Variants in PCTP observed in about 807,000 individuals in gnomAD.
The protein encoded by PCTP is START domain-containing protein 2.
Under a neutral mutation model 31.0 loss-of-function variants are expected in PCTP, and 27 were observed. The ratio of observed to expected loss-of-function variants is 0.87; its 90% confidence interval spans 0.64 to 1.20. The LOEUF (loss-of-function observed/expected upper bound fraction) is 1.20. PCTP is among the 50% of genes most tolerant of loss of function. PCTP has a pLI of 0.00. For synonymous variants in PCTP, 108 were observed against 101.2 expected, an observed-to-expected ratio of 1.07 and a Z score of -0.40; for missense variants, 287 against 268.2, an observed-to-expected ratio of 1.07 and a Z score of -0.49.
intron 3 of PCTP, among the ~76,000 whole-genome samples, chr17:55,798,487 A>G (rs926369548): frequency 3.3e-5 from 5 of 151,994 alleles, no homozygotes; most frequent in Non-Finnish European, 5.9e-5. Context: ...CAACCAAAGG[A>G]AAAAAAGATA....
intron 1 of PCTP, 33 bp downstream of exon 1, chr17:55,751,277 C>G: frequency 6.6e-7 from 1 of 1,525,376 alleles, no homozygotes; most frequent in Non-Finnish European, 8.8e-7. Flanking sequence ...ACCGCGGGGC[C>G]TAGAATGCGC....
At chr17:55,806,513 TC>T in intron 3 of PCTP, among the ~76,000 whole-genome samples, 1 of 152,068 alleles carries the variant, frequency 6.6e-6, no homozygotes, top group Non-Finnish European at 1.5e-5. Context: ...GAATTTACCC[TC>T]TGAAAATACC....
chr17:55,776,154 C>T lies in PCTP; in HGVS notation c.*54C>T. ...GGGTTGATGTCTCTGGAAGTGCAAC[C>T]ACCCAATGTCTCTGGAAGTGCCACC... On this transcript the variant is annotated 3_prime_UTR_variant, in exon 6 of 6. Coordinates refer to ENST00000268896, the MANE Select transcript of PCTP (RefSeq NM_021213.4). The T allele has an allele frequency of 3.1e-6, 5 of 1,604,076 alleles. No homozygotes were observed. Among genetic ancestry groups the T allele is most frequent in the Non-Finnish European group, 4.3e-6 (5 of 1,175,284 alleles).
At chr17:55,835,860 T>C (rs981578490) in intron 5 of PCTP, among the ~76,000 whole-genome samples, 5 of 152,170 alleles carry the variant, frequency 3.3e-5, no homozygotes, top group Non-Finnish European at 7.3e-5. Flanking sequence ...TTACCAGTAA[T>C]GAAAACTGAG....
chr17:55,801,414 C>G (rs888511216), intron 3 of PCTP, among the ~76,000 whole-genome samples: 2 of 152,118 alleles, frequency 1.3e-5, no homozygotes, highest in Non-Finnish European at 2.9e-5. Context: ...AATATACATT[C>G]TTCTCAGCAC....
chr17:55,787,604 C>T (rs1911793164), exon 3 of PCTP: 2 of 152,164 alleles, frequency 1.3e-5, no homozygotes, highest in South Asian at 2.1e-4. Context: ...ATCCACTGGC[C>T]TCGGCCTCTC....
chr17:55,789,878 G>C (rs1290350257), intron 3 of PCTP, among the ~76,000 whole-genome samples: 1 of 152,142 alleles, frequency 6.6e-6, no homozygotes, highest in African/African-American at 2.4e-5. Flanking sequence ...CAATATCCTT[G>C]ATGAACATTG....
intron 3 of PCTP, among the ~76,000 whole-genome samples, chr17:55,809,467 A>G (rs1217626814): frequency 2.0e-5 from 3 of 151,866 alleles, no homozygotes; most frequent in African/African-American, 4.8e-5. Flanking sequence ...TGGAACCTAC[A>G]GCTTCTGACT....
intron 3 of PCTP, among the ~76,000 whole-genome samples, chr17:55,810,995 G>A (rs1912733556): frequency 6.6e-6 from 1 of 152,174 alleles, no homozygotes; most frequent in African/African-American, 2.4e-5. Context: ...GACATCAGGG[G>A]AGGCCGGATA....
downstream of PCTP, among the ~76,000 whole-genome samples, chr17:55,846,836 A>G (rs1292967798): frequency 6.6e-6 from 1 of 152,206 alleles, no homozygotes; most frequent in Non-Finnish European, 1.5e-5. Flanking sequence ...AAAATATGCT[A>G]TACAATTATC....
intron 1 of PCTP, among the ~76,000 whole-genome samples, chr17:55,757,528 ATATAG>A (rs1360062185): frequency 3.7e-5 from 5 of 134,864 alleles, no homozygotes; most frequent in Admixed American, 7.9e-5. Flanking sequence ...ATACACACAC[ATATAG>A]TATATATGAA....
chr17:55,849,036 A>G, the PCTP span, among the ~76,000 whole-genome samples: 1 of 152,216 alleles, frequency 6.6e-6, no homozygotes, highest in Non-Finnish European at 1.5e-5. Context: ...AGAAAATAAT[A>G]TCTATCATCA....
At chr17:55,833,130 A>G (rs1905660864) in intron 5 of PCTP, among the ~76,000 whole-genome samples, 1 of 152,204 alleles carries the variant, frequency 6.6e-6, no homozygotes, top group South Asian at 2.1e-4. Flanking sequence ...GGGGAGTTGC[A>G]GGAGCAATAT....
chr17:55,800,727 C>A (rs1380957652), intron 3 of PCTP, among the ~76,000 whole-genome samples: 1 of 152,042 alleles, frequency 6.6e-6, no homozygotes, highest in Non-Finnish European at 1.5e-5. Flanking sequence ...AATGTTCAGC[C>A]TTTTTGCACT....
Position 55,777,175 on chromosome 17 carries a change from A to C in PCTP, c.*1075A>C. ...AATTTTGGTAGGGTAAGGTATTTCT[A>C]TGTCAAAGGCACAGCCTTGATGATC... is the stretch of plus-strand genomic sequence containing the variant. On this transcript the variant is annotated 3_prime_UTR_variant, in exon 6 of 6. Coordinates refer to ENST00000268896, the MANE Select transcript of PCTP (RefSeq NM_021213.4). The C allele has an allele frequency of 1.0e-6, 1 of 985,622 alleles. No homozygotes were observed. The highest frequency in any genetic ancestry group is 1.2e-6 in the Non-Finnish European group (1 of 829,744). The allele number at this position is 985,622 out of a possible 1,614,324, so 61.1% of individuals were successfully genotyped here.
At chr17:55,833,153 A>C (rs1905662085) in intron 5 of PCTP, among the ~76,000 whole-genome samples, 1 of 152,214 alleles carries the variant, frequency 6.6e-6, no homozygotes, top group South Asian at 2.1e-4. Context: ...GAGCAACATC[A>C]TAGATGTGAG....
chr17:55,753,810 C>T (rs1219418865), intron 1 of PCTP, among the ~76,000 whole-genome samples: 12 of 152,174 alleles, frequency 7.9e-5, no homozygotes, highest in Admixed American at 2.6e-4. Flanking sequence ...ACAAAGCACA[C>T]GGCTAAGAAG....
chr17:55,780,813 C>T (rs1364189953), downstream of PCTP, among the ~76,000 whole-genome samples: 1 of 152,140 alleles, frequency 6.6e-6, no homozygotes, highest in African/African-American at 2.4e-5. Context: ...CCACTTCCAG[C>T]TCAGGATCTT....
At chr17:55,828,249 T>C (rs1905471591) in intron 5 of PCTP, among the ~76,000 whole-genome samples, 2 of 152,156 alleles carry the variant, frequency 1.3e-5, no homozygotes, top group Admixed American at 6.5e-5. Context: ...GTACTACAAA[T>C]TGGGTGGCTT....
Sources: allele counts gnomAD v4.1 joint callset (sites outside exome capture counted in the v4.1 genomes callset), GRCh38; gene constraint gnomAD v4.1.1; transcripts MANE v1.5; gene names NCBI Gene and HGNC (gene_info 2026-07-23, HGNC 2026-07-21).